Variants in ST7L observed in about 807,000 individuals in gnomAD.
The protein encoded by ST7L is suppressor of tumorigenicity 7 protein-like.
A neutral mutation model predicts 72.5 loss-of-function variants in ST7L; 57 were observed. The ratio of observed to expected loss-of-function variants is 0.79; its 90% CI spans 0.64 to 0.98. The LOEUF (loss-of-function observed/expected upper bound fraction) is 0.98. Ranked by LOEUF, ST7L falls within the 50% of genes least tolerant of loss-of-function variation. The probability of loss-of-function intolerance (pLI) is 0.00; values close to 1 mark genes in which losing one functional copy is unlikely to be tolerated. For missense variants in ST7L, 576 were observed against 672.2 expected (o/e 0.86, Z 1.58); for synonymous variants, 221 against 240.9 (o/e 0.92, Z 0.77).
At position 112,524,423 on chromosome 1, in the gene ST7L, T is replaced by C. The variant is rs1227455671; in HGVS notation, c.*1590A>G. The C allele has an allele frequency of 1.3e-5, 2 of 152,610 alleles. No homozygotes were observed. Among genetic ancestry groups the C allele is most frequent in the Non-Finnish European group, 2.9e-5 (2 of 68,116 alleles). The allele number at this position is 152,610 out of a possible 1,614,324, so 9.5% of individuals were successfully genotyped here. Reference sequence around the variant, plus strand: ...GCCAAATTACAGCACCAGAGAACAATGTGATGCATTCCTGGGCAGGTCGGT... The same window carrying C: ...GCCAAATTACAGCACCAGAGAACAACGTGATGCATTCCTGGGCAGGTCGGT... On this transcript the variant is annotated 3_prime_UTR_variant, in exon 15 of 15. Coordinates refer to ENST00000358039, the MANE Select transcript of ST7L (RefSeq NM_017744.5).
intron 13 of ST7L, among the ~76,000 whole-genome samples, chr1:112,543,889 A>C (rs1454086158): frequency 1.3e-5 from 2 of 151,544 alleles, no homozygotes; most frequent in African/African-American, 4.8e-5. Context: ...AAAAAAAAAA[A>C]AACCTAAACT....
intron 14 of ST7L, among the ~76,000 whole-genome samples, chr1:112,534,205 A>G (rs1654830794): frequency 6.6e-6 from 1 of 152,196 alleles, no homozygotes; most frequent in Non-Finnish European, 1.5e-5. Context: ...ACTGGATATC[A>G]CCACTCTGTC....
intron 11 of ST7L, among the ~76,000 whole-genome samples, chr1:112,564,594 C>T (rs1660659360): frequency 1.3e-5 from 2 of 151,986 alleles, no homozygotes; most frequent in African/African-American, 4.8e-5. Context: ...AGGCAGGTGG[C>T]TCACCTGAGG....
chr1:112,564,200 TAA>T (rs1025846909), intron 11 of ST7L, among the ~76,000 whole-genome samples: 1 of 152,096 alleles, frequency 6.6e-6, no homozygotes, highest in African/African-American at 2.4e-5. Flanking sequence ...AGGAGCCAAA[TAA>T]AGTGACTTAT....
intron 1 of ST7L, chr1:112,618,247 A>G (rs1670248202): frequency 2.7e-6 from 3 of 1,109,110 alleles, no homozygotes; most frequent in Non-Finnish European, 3.3e-6. Context: ...CACTTCTTAC[A>G]TGTGTTCGTA....
At position 112,573,323 on chromosome 1, in the gene ST7L, G is replaced by T. The variant is rs1318979828; in HGVS notation, c.1245+3663C>A. 3.2e-5 allele frequency among the ~76,000 whole-genome samples: 3 copies of T among 94,380 alleles called. No homozygotes were observed. The Admixed American group carries it at 3.8e-4, about 12-fold the overall frequency. 61.9% of individuals were successfully genotyped at this position (94,380 alleles called of 152,430 possible). ...AGATCGCGCCATTGCACTCCAGCCC[G>T]GGCAGCAAGAGCAAAACTCCCTCTC... On this transcript the variant is annotated intron_variant, in intron 11 of 14. Transcript: ENST00000358039.
rs1207217270 is a variant in ST7L, at chr1:112,542,113, A to G, written c.1490-23T>C. On this transcript the variant is annotated intron_variant, in intron 13 of 14. Coordinates refer to ENST00000358039, the MANE Select transcript of ST7L (RefSeq NM_017744.5). ...AGGCTGCAATGGAGAATAGGTAAGA[A>G]TCAATTTTATTTCAGAATAACATGT... The G allele has an allele frequency of 2.6e-6, 4 of 1,563,206 alleles. No individual in the cohort carries two copies. The South Asian group carries it at 4.8e-5, about 19-fold the overall frequency.
Position 112,619,109 on chromosome 1 carries a change from G to A in ST7L, c.5C>T (p.Ala2Val), listed in dbSNP as rs1670441993. Reference sequence around the variant, plus strand: ...GGCTTCACCCACGCCGCCACGGTCCGCCATCTTGCCGCTATCGCAGGCGCC... The same window carrying A: ...GGCTTCACCCACGCCGCCACGGTCCACCATCTTGCCGCTATCGCAGGCGCC... M[A>V]DRGGVGEAAA... The change falls in exon 1 of 15, where the codon GCG (alanine) becomes GTG (valine). Residue 2 changes from alanine to valine, a missense_variant. Coordinates refer to ENST00000358039, the MANE Select transcript of ST7L (RefSeq NM_017744.5). 1 of 1,613,290 alleles carries A rather than the reference G, an allele frequency of 6.2e-7. No individual in the cohort carries two copies.
At chr1:112,580,175 G>A (rs1304159294) in intron 9 of ST7L, among the ~76,000 whole-genome samples, 2 of 152,106 alleles carry the variant, frequency 1.3e-5, no homozygotes, top group African/African-American at 4.8e-5. Context: ...GTGAGATAGG[G>A]TCTCACTCTG....
chr1:112,550,660 C>A lies in ST7L; in HGVS notation c.1430G>T (p.Gly477Val), dbSNP rs1557963641. 1 of 1,613,398 alleles carries A rather than the reference C, an allele frequency of 6.2e-7. No homozygotes were observed. The highest frequency in any genetic ancestry group is 2.2e-5 in the East Asian group (1 of 44,780). ...FRMIPYPLEK[G>V]HLFYPYPSCT... ...GCTGGGATAAGGGTAAAATAGATGT[C>A]CTTTCTCTAACGGGTATGGAATCAT... Residue 477 changes from glycine (G) to valine (V), a missense_variant, in exon 13 of 15, where the codon GGA becomes GTA. Physicochemically the swap from Gly to Val is moderately radical, Grantham distance 109 (BLOSUM62 -3). Coordinates refer to ENST00000358039, the MANE Select transcript of ST7L (RefSeq NM_017744.5).
chr1:112,561,678 C>T (rs1394598251), intron 11 of ST7L, among the ~76,000 whole-genome samples: 1 of 151,912 alleles, frequency 6.6e-6, no homozygotes, highest in Non-Finnish European at 1.5e-5. Context: ...TGGGGTTTCA[C>T]CATGTTGGTC....
intron 11 of ST7L, chr1:112,570,762 G>A: frequency 4.4e-6 from 2 of 456,216 alleles, no homozygotes; most frequent in Non-Finnish European, 8.8e-6. Context: ...TAAAACCCTA[G>A]CAAAAACAGC....
chr1:112,525,830 C>A lies in ST7L; in HGVS notation c.*183G>T. On this transcript the variant is annotated 3_prime_UTR_variant, in exon 15 of 15. Transcript: ENST00000358039. The stretch of plus-strand genomic sequence containing the variant: ...TTTCATCTACAGTTGTCCTTTTTGA[C>A]AGCTTCCAAGGGGGGTTTGCCTAGG... The A allele has an allele frequency of 1.4e-6, 1 of 716,670 alleles. No individual in the cohort carries two copies. The highest frequency in any genetic ancestry group is 1.8e-5 in the African/African-American group (1 of 56,612). 44.4% of individuals were successfully genotyped at this position (716,670 alleles called of 1,614,324 possible).
In ST7L at chr1:112,526,004, G is replaced by A. The variant is rs368488162; in HGVS notation, c.*9C>T. The A allele has an allele frequency of 1.2e-6, 2 of 1,613,966 alleles. No individual in the cohort carries two copies. The highest frequency in any genetic ancestry group is 1.7e-6 in the Non-Finnish European group (2 of 1,179,964). On this transcript the variant is annotated 3_prime_UTR_variant, in exon 15 of 15. Transcript: ENST00000358039. ...TGATTTGTCCAAGGTCACATGAACA[G>A]TGCGTGGCTCAGCCAGAACTCAAAC...
At chr1:112,561,242 T>A (rs550423906) in intron 11 of ST7L, among the ~76,000 whole-genome samples, 2 of 151,372 alleles carry the variant, frequency 1.3e-5, no homozygotes, top group East Asian at 3.9e-4. Flanking sequence ...CAGAGCTAAG[T>A]AGTAGAAAAT....
chr1:112,561,502 T>C (rs988342702), intron 11 of ST7L, among the ~76,000 whole-genome samples: 3 of 151,812 alleles, frequency 2.0e-5, no homozygotes, highest in African/African-American at 7.3e-5. Flanking sequence ...TTTTTGGAGA[T>C]GGAATTTTGC....
intron 10 of ST7L, among the ~76,000 whole-genome samples, chr1:112,577,351 A>T (rs1347317103): frequency 6.6e-6 from 1 of 151,504 alleles, no homozygotes; most frequent in African/African-American, 2.4e-5. Flanking sequence ...CAACATGGAG[A>T]AACCCCGTCT....
chr1:112,541,970 A>G lies in ST7L; in HGVS notation c.1610T>C (p.Met537Thr). ...AILTHQFPEI[M>T]GIFAKAVLGL... ...ACTTACAGCTTTAGCAAAAATACCC[A>G]TGATTTCAGGAAACTGGTGAGTGAG... Residue 537 changes from methionine (M) to threonine (T), a missense_variant, in exon 14 of 15, where the codon ATG (methionine) becomes ACG (threonine). Physicochemically the swap from Met to Thr is moderately conservative, Grantham distance 81. Coordinates refer to ENST00000358039, the MANE Select transcript of ST7L (RefSeq NM_017744.5). 1.9e-6 allele frequency: 3 copies of G among 1,613,826 alleles called. No homozygotes were observed. Among genetic ancestry groups the G allele is most frequent in the Non-Finnish European group, 2.5e-6 (3 of 1,179,926 alleles).
At chr1:112,615,943 GCCA>G (rs1669805758) in intron 2 of ST7L, among the ~76,000 whole-genome samples, 1 of 151,926 alleles carries the variant, frequency 6.6e-6, no homozygotes, top group South Asian at 2.1e-4. Context: ...CATCATGTTG[GCCA>G]GGCTGTTCTT....
Sources: allele counts gnomAD v4.1 joint callset (sites outside exome capture counted in the v4.1 genomes callset), GRCh38; gene constraint gnomAD v4.1.1; transcripts MANE v1.5; gene names NCBI Gene and HGNC (gene_info 2026-07-23, HGNC 2026-07-21).